COG7: variants seen among roughly 807,000 people sequenced by gnomAD.
COG7 encodes conserved oligomeric Golgi complex subunit 7.
Under a neutral mutation model 91.5 loss-of-function variants are expected in COG7, and 49 were observed. The observed-to-expected ratio is 0.54, with a 90% CI of 0.43 to 0.68. The LOEUF (loss-of-function observed/expected upper bound fraction) is 0.68, where lower values mean the gene tolerates loss of function less well. Among genes scored for constraint, COG7 ranks in the 30% least tolerant of loss-of-function variants. The probability of loss-of-function intolerance (pLI) is 0.00; values close to 1 mark genes in which losing one functional copy is unlikely to be tolerated. For synonymous variants in COG7, 365 were observed against 388.7 expected (o/e 0.94, Z 0.72); for missense variants, 895 against 961.3 (o/e 0.93, Z 0.91).
intron 3 of COG7, among the ~76,000 whole-genome samples, chr16:23,444,768 A>C (rs1423609448): frequency 6.6e-6 from 1 of 151,984 alleles, no homozygotes; most frequent in African/African-American, 2.4e-5. Flanking sequence ...AGCATCCCAA[A>C]GAGCTGGGAT....
intron 1 of COG7, among the ~76,000 whole-genome samples, chr16:23,449,314 G>T (rs1378710446): frequency 2.0e-5 from 3 of 150,764 alleles, no homozygotes; most frequent in East Asian, 3.9e-4. Flanking sequence ...AGTGCGTCGA[G>T]ATCACGCCAC....
intron 3 of COG7, among the ~76,000 whole-genome samples, chr16:23,442,853 T>C (rs1033317897): frequency 6.6e-6 from 1 of 151,842 alleles, no homozygotes; most frequent in Non-Finnish European, 1.5e-5. Context: ...CTGGTTAACA[T>C]GGCAAGATCC....
intron 7 of COG7, among the ~76,000 whole-genome samples, chr16:23,420,565 T>C (rs1461305924): frequency 6.6e-6 from 1 of 152,166 alleles, no homozygotes; most frequent in Non-Finnish European, 1.5e-5. Context: ...CCTTCCCCTC[T>C]TTATCTAGTT....
intron 12 of COG7, among the ~76,000 whole-genome samples, chr16:23,404,302 A>G (rs970617464): frequency 2.0e-5 from 3 of 152,280 alleles, no homozygotes; most frequent in African/African-American, 7.2e-5. Flanking sequence ...TACAACCTCC[A>G]TGAGTCCCAA....
At chr16:23,417,758 T>C (rs953637642) in intron 8 of COG7, among the ~76,000 whole-genome samples, 1 of 152,106 alleles carries the variant, frequency 6.6e-6, no homozygotes, top group African/African-American at 2.4e-5. Context: ...TCAACCTGTA[T>C]GACAGAGCAA....
At chr16:23,389,186 C>A in intron 16 of COG7, 100 bp from the exon 17 acceptor site, 3 of 1,404,686 alleles carry the variant, frequency 2.1e-6, no homozygotes, top group African/African-American at 1.4e-5. Flanking sequence ...AGAGAAGCTG[C>A]CCTGCCAAGT....
chr16:23,434,509 A>C, intron 5 of COG7, 127 bp downstream of exon 5: 1 of 757,318 alleles, frequency 1.3e-6, no homozygotes, highest in Non-Finnish European at 2.4e-6. Context: ...TGGCTAACTA[A>C]GAGAAAAACA....
At chr16:23,445,313 C>T in intron 2 of COG7, 149 bp from the exon 3 acceptor site, 1 of 751,604 alleles carries the variant, frequency 1.3e-6, no homozygotes, top group South Asian at 1.4e-5. Context: ...TAAATTTATT[C>T]AGCAGTGCTG....
chr16:23,411,608 A>G (rs1963563240), intron 10 of COG7, among the ~76,000 whole-genome samples: 1 of 152,200 alleles, frequency 6.6e-6, no homozygotes, highest in South Asian at 2.1e-4. Context: ...ATCAACCCAT[A>G]GAACATTAAA....
intron 4 of COG7, among the ~76,000 whole-genome samples, chr16:23,435,754 A>G (rs922447864): frequency 1.3e-5 from 2 of 152,256 alleles, no homozygotes; most frequent in South Asian, 2.1e-4. Context: ...GGGAAGCCCA[A>G]TAAACTGCTG....
At chr16:23,415,594 T>C (rs576156964) in intron 9 of COG7, 1 of 152,322 alleles carries the variant, frequency 6.6e-6, no homozygotes, top group African/African-American at 2.4e-5. Context: ...ACAACCTCCT[T>C]GGAAAGGAGA....
chr16:23,401,505 C>T (rs942782802), intron 13 of COG7, among the ~76,000 whole-genome samples: 14 of 152,318 alleles, frequency 9.2e-5, no homozygotes, highest in Admixed American at 3.9e-4. Context: ...GGTTTCAGAA[C>T]AGAAGGTCAG....
intron 14 of COG7, 130 bp from the exon 15 acceptor site, chr16:23,393,477 T>C (rs1963234413): frequency 1.4e-6 from 1 of 711,826 alleles, no homozygotes; most frequent in East Asian, 2.7e-5. Context: ...AAGTCTGATC[T>C]TTCTAGTATG....
At chr16:23,414,327 C>T (rs968837497) in intron 9 of COG7, 2 of 152,088 alleles carry the variant, frequency 1.3e-5, no homozygotes, top group African/African-American at 4.8e-5. Context: ...GATCCCATCT[C>T]TAAAAAAAAC....
At position 23,399,434 on chromosome 16, in the gene COG7, C is replaced by T. The variant is rs1324578520; in HGVS notation, c.1804-1305G>A. On this transcript the variant is annotated intron_variant, in intron 13 of 16. Coordinates refer to ENST00000307149, the MANE Select transcript of COG7 (RefSeq NM_153603.4). The stretch of plus-strand genomic sequence containing the variant: ...ACCAAGTACCCAGGATGTCGAGTGT[C>T]TTGTGCTAAGCTTTGCAGAGAAGAG... Among the ~76,000 whole-genome samples the T allele has an allele frequency of 1.3e-5, 2 of 152,190 alleles. 1 individual carries two copies.
intron 16 of COG7, among the ~76,000 whole-genome samples, chr16:23,391,446 A>ATT (rs1963194150): frequency 6.6e-6 from 1 of 152,208 alleles, no homozygotes; most frequent in Non-Finnish European, 1.5e-5. Flanking sequence ...CTGACTATGA[A>ATT]ATGAGCAGGG....
In COG7 at chr16:23,453,168, T is replaced by G. The variant is rs957151024; in HGVS notation, c.-174A>C. 12 of 1,405,370 alleles carry G rather than the reference T, an allele frequency of 8.5e-6. No individual in the cohort carries two copies. The highest frequency in any genetic ancestry group is 1.4e-5 in the African/African-American group (1 of 69,154). The allele number at this position is 1,405,370 out of a possible 1,614,324, so 87.1% of individuals were successfully genotyped here. A position where few individuals can be genotyped will look rare whatever the true frequency, so the allele number is the denominator to read the frequency against. On this transcript the variant is annotated 5_prime_UTR_variant, in exon 1 of 17. Coordinates refer to ENST00000307149, the MANE Select transcript of COG7 (RefSeq NM_153603.4). ...GCGCTTCCCCGCTCAGCGCACTCAG[T>G]TTGCGGCTGGGAATGACCCTCGCCG... is the stretch of plus-strand genomic sequence containing the variant.
chr16:23,416,940 G>A (rs755662100), intron 9 of COG7, 27 bp downstream of exon 9: 15 of 1,613,838 alleles, frequency 9.3e-6, no homozygotes, highest in African/African-American at 8.0e-5. Flanking sequence ...AATGTGGCCC[G>A]TCTGGTCCCC....
intron 3 of COG7, among the ~76,000 whole-genome samples, chr16:23,443,968 A>G (rs1964142666): frequency 6.6e-6 from 1 of 151,932 alleles, no homozygotes; most frequent in Non-Finnish European, 1.5e-5. Context: ...CCTGGCCAAC[A>G]TGGTGAAATC....
Sources: gnomAD v4.1 joint callset for allele counts (sites outside exome capture counted in the v4.1 genomes callset) on GRCh38, gnomAD v4.1.1 for gene constraint, MANE v1.5 for transcripts, NCBI Gene and HGNC (gene_info 2026-07-23, HGNC 2026-07-21) for gene names.